The following CPED1 variants were observed in gnomAD, a reference collection of about 807,000 sequenced individuals.
CPED1 encodes cadherin-like and PC-esterase domain-containing protein 1.
In CPED1, 114 loss-of-function variants were observed where a neutral mutation model predicts 128.2. The ratio of observed to expected loss-of-function variants is 0.89; its 90% CI spans 0.76 to 1.04. The LOEUF (loss-of-function observed/expected upper bound fraction) is 1.04, where lower values mean the gene tolerates loss of function less well. CPED1 is among the 50% of genes least tolerant of loss of function. CPED1 has a pLI of 0.00. For synonymous variants in CPED1, 462 were observed against 426.7 expected, an observed-to-expected ratio of 1.08 and a Z score of -1.02; for missense variants, 1,211 against 1,207.1, an observed-to-expected ratio of 1.00 and a Z score of -0.05.
At chr7:121,184,536 T>A (rs1003265385) in intron 16 of CPED1, among the ~76,000 whole-genome samples, 8 of 152,176 alleles carry the variant, frequency 5.3e-5, no homozygotes, top group Non-Finnish European at 1.0e-4. Context: ...TTAAGAAATT[T>A]TGCATTTTAT....
intron 3 of CPED1, among the ~76,000 whole-genome samples, chr7:121,028,554 A>T (rs972095687): frequency 6.6e-6 from 1 of 152,216 alleles, no homozygotes; most frequent in Non-Finnish European, 1.5e-5. Context: ...TAGCACAAGC[A>T]GCTGAATTTA....
intron 8 of CPED1, among the ~76,000 whole-genome samples, chr7:121,124,965 T>A (rs554372689): frequency 6.6e-6 from 1 of 152,252 alleles, no homozygotes; most frequent in African/African-American, 2.4e-5. Context: ...ATCTCGTACG[T>A]CAAAAAGTGG....
At chr7:121,111,027 T>C (rs1355054322) in intron 7 of CPED1, among the ~76,000 whole-genome samples, 4 of 152,078 alleles carry the variant, frequency 2.6e-5, no homozygotes, top group African/African-American at 4.8e-5. Context: ...ATTTGAATGG[T>C]GGTGCCATTG....
chr7:121,064,660 T>C (rs1035241361), intron 5 of CPED1, among the ~76,000 whole-genome samples: 1 of 152,218 alleles, frequency 6.6e-6, no homozygotes, highest in African/African-American at 2.4e-5. Context: ...TATCAAAGTA[T>C]ATATTTCTTT....
At chr7:121,197,267 TTACTC>T (rs1797292526) in intron 16 of CPED1, among the ~76,000 whole-genome samples, 1 of 152,080 alleles carries the variant, frequency 6.6e-6, no homozygotes, top group Non-Finnish European at 1.5e-5. Flanking sequence ...ACTTACTGCT[TTACTC>T]TATAAATGTT....
chr7:121,211,574 C>T (rs967853835), intron 16 of CPED1, among the ~76,000 whole-genome samples: 15 of 944 alleles, frequency 0.016, no homozygotes, highest in African/African-American at 0.028. Context: ...AGACACGTGA[C>T]ATATTCTGGA....
chr7:121,066,685 G>A (rs1793837532), intron 5 of CPED1, among the ~76,000 whole-genome samples: 1 of 152,070 alleles, frequency 6.6e-6, no homozygotes, highest in Non-Finnish European at 1.5e-5. Context: ...GAGATGCCTA[G>A]GTCAGAGACC....
chr7:120,999,322 T>C (rs1204207100), intron 2 of CPED1, among the ~76,000 whole-genome samples: 1 of 152,200 alleles, frequency 6.6e-6, no homozygotes, highest in Non-Finnish European at 1.5e-5. Flanking sequence ...ATTAATTAAC[T>C]ATCATTGATT....
chr7:121,153,999 A>G (rs1407848964), intron 16 of CPED1, among the ~76,000 whole-genome samples: 1 of 152,216 alleles, frequency 6.6e-6, no homozygotes, highest in Non-Finnish European at 1.5e-5. Flanking sequence ...ATGTATCAAA[A>G]TGTACCAAAC....
chr7:121,100,113 C>T lies in CPED1; in HGVS notation c.918+19C>T. ...TGTCAAGGTAAGCTCTCGGTTGAAG[C>T]TATTATTTCACGTAAGTACACTGAA... On this transcript the variant is annotated intron_variant, in intron 7 of 22. Coordinates refer to ENST00000310396, the MANE Select transcript of CPED1 (RefSeq NM_024913.5). 6.2e-7 allele frequency: 1 copy of T among 1,610,756 alleles called. No homozygotes were observed. The highest frequency in any genetic ancestry group is 1.1e-5 in the South Asian group (1 of 90,842).
chr7:121,189,829 T>C (rs1432036107), intron 16 of CPED1, among the ~76,000 whole-genome samples: 2 of 140,664 alleles, frequency 1.4e-5, no homozygotes, highest in Non-Finnish European at 3.1e-5. Flanking sequence ...TTTTATCATC[T>C]TAACTCTGCA....
At chr7:121,142,188 G>C (rs1436890227) in intron 16 of CPED1, 47 bp downstream of exon 16, 2 of 1,446,250 alleles carry the variant, frequency 1.4e-6, no homozygotes, top group Non-Finnish European at 9.4e-7. Context: ...GGAATGATCT[G>C]TTAACCCAGG....
At chr7:121,129,303 ATATATATACG>A (rs1430801230) in intron 11 of CPED1, among the ~76,000 whole-genome samples, 1 of 7,458 alleles carries the variant, frequency 1.3e-4, no homozygotes, top group Non-Finnish European at 5.1e-4. Flanking sequence ...ATATATATAT[ATATATATACG>A]TATATATATA....
intron 4 of CPED1, among the ~76,000 whole-genome samples, chr7:121,060,429 C>T (rs942980097): frequency 6.6e-6 from 1 of 152,236 alleles, no homozygotes; most frequent in Non-Finnish European, 1.5e-5. Context: ...GGAGAATCTT[C>T]ATGTCTAGCT....
intron 5 of CPED1, among the ~76,000 whole-genome samples, chr7:121,094,347 G>A (rs911310239): frequency 6.6e-6 from 1 of 152,066 alleles, no homozygotes; most frequent in African/African-American, 2.4e-5. Context: ...TAAATCAAAT[G>A]CAATATGAAT....
At chr7:121,196,223 A>G (rs1332757075) in intron 16 of CPED1, among the ~76,000 whole-genome samples, 2 of 151,970 alleles carry the variant, frequency 1.3e-5, no homozygotes, top group Non-Finnish European at 2.9e-5. Context: ...ATTGCTGAGA[A>G]CAATCTGCTG....
At chr7:121,257,425 T>C (rs1298106235) in intron 18 of CPED1, among the ~76,000 whole-genome samples, 3 of 152,064 alleles carry the variant, frequency 2.0e-5, no homozygotes, top group African/African-American at 7.2e-5. Context: ...GTTTTCTTAA[T>C]CTAAAAGTCT....
intron 3 of CPED1, among the ~76,000 whole-genome samples, chr7:121,031,785 ATT>A (rs1389637666): frequency 2.0e-5 from 3 of 152,352 alleles, no homozygotes; most frequent in African/African-American, 7.2e-5. Context: ...AAAATATATT[ATT>A]GACTAAATAC....
chr7:121,222,603 CGTTT>C (rs1203756766), intron 16 of CPED1, among the ~76,000 whole-genome samples: 1 of 152,066 alleles, frequency 6.6e-6, no homozygotes, highest in African/African-American at 2.4e-5. Context: ...AATGTTCTTC[CGTTT>C]GTTTGTGTCC....
Sources: allele counts gnomAD v4.1 joint callset (sites outside exome capture counted in the v4.1 genomes callset), GRCh38; gene constraint gnomAD v4.1.1; transcripts MANE v1.5; gene names NCBI Gene and HGNC (gene_info 2026-07-23, HGNC 2026-07-21).